Variants in PRKCQ observed in about 807,000 individuals in gnomAD.
PRKCQ encodes protein kinase C theta type.
A neutral mutation model predicts 91.2 loss-of-function variants in PRKCQ; 41 were observed. The ratio of observed to expected loss-of-function variants is 0.45; its 90% CI spans 0.35 to 0.58. The LOEUF (loss-of-function observed/expected upper bound fraction) is 0.58. Ranked by LOEUF, PRKCQ falls within the 20% of genes least tolerant of loss-of-function variation. The probability of loss-of-function intolerance (pLI) is 0.00; values close to 1 mark genes in which losing one functional copy is unlikely to be tolerated. For synonymous variants in PRKCQ, 307 were observed against 316.9 expected (o/e 0.97, Z 0.33); for missense variants, 673 against 896.5 (o/e 0.75, Z 3.18).
Position 6,430,930 on chromosome 10 carries a change from C to A in PRKCQ, c.1845G>T (p.Val615=), listed in dbSNP as rs1833386011. The change falls in exon 17 of 18, where the codon GTG becomes GTT. Residue 615 remains valine (V), a synonymous_variant. Coordinates refer to ENST00000263125, the MANE Select transcript of PRKCQ (RefSeq NM_006257.5). The surrounding 1 kb of genome is among the most constrained non-coding windows in gnomAD (Gnocchi z 4.7). ...EAKDLLVKLF[V]REPEKRLGVR... ...CGCCCAGCCTCTTCTCAGGTTCTCG[C>A]ACGAAGAGCTGAAAGGGAGCAGAGC... 6.2e-7 allele frequency: 1 copy of A among 1,613,952 alleles called. No homozygotes were observed. Among genetic ancestry groups the A allele is most frequent in the Non-Finnish European group, 8.5e-7 (1 of 1,179,898 alleles).
chr10:6,510,373 T>C (rs935688322), intron 3 of PRKCQ, among the ~76,000 whole-genome samples: 2 of 152,160 alleles, frequency 1.3e-5, no homozygotes, highest in African/African-American at 4.8e-5. Flanking sequence ...GCTAAGTTCA[T>C]TACAGCTGAA....
At chr10:6,559,250 T>C (rs992059705) in intron 1 of PRKCQ, among the ~76,000 whole-genome samples, 2 of 152,116 alleles carry the variant, frequency 1.3e-5, no homozygotes, top group African/African-American at 4.8e-5. Flanking sequence ...AACTTCTGGG[T>C]AATAAAAGAG....
At chr10:6,478,586 C>A (rs1025336589) in intron 12 of PRKCQ, among the ~76,000 whole-genome samples, 2 of 152,138 alleles carry the variant, frequency 1.3e-5, no homozygotes, top group African/African-American at 4.8e-5. Context: ...CTTTTTCTGC[C>A]AGCCTTGAAG....
chr10:6,479,767 T>TAAAAA (rs34610362), intron 11 of PRKCQ, among the ~76,000 whole-genome samples: 5 of 38,994 alleles, frequency 1.3e-4, no homozygotes, highest in Non-Finnish European at 1.7e-4. Context: ...CCGTCTCGAC[T>TAAAAA]AAAAAAAAAA....
chr10:6,539,809 C>T (rs1430285230), intron 1 of PRKCQ, among the ~76,000 whole-genome samples: 1 of 152,150 alleles, frequency 6.6e-6, no homozygotes, highest in Non-Finnish European at 1.5e-5. Context: ...AAATGTCTTT[C>T]TTGAGTATAC....
chr10:6,548,898 A>G (rs1840077910), intron 1 of PRKCQ, among the ~76,000 whole-genome samples: 1 of 152,306 alleles, frequency 6.6e-6, no homozygotes, highest in African/African-American at 2.4e-5. Context: ...TAAAATAAAA[A>G]AAGAAGATGT....
chr10:6,451,214 T>A (rs4561111), intron 15 of PRKCQ, among the ~76,000 whole-genome samples: 60,782 of 143,748 alleles, frequency 0.42, 14,929 homozygotes, highest in East Asian at 0.82. Context: ...AGAAGAATCA[T>A]ATAAACACAA....
intron 4 of PRKCQ, 151 bp downstream of exon 4, chr10:6,507,285 G>T: frequency 1.4e-6 from 1 of 712,782 alleles, no homozygotes. Flanking sequence ...TTAAAGTCAT[G>T]CCTGAGCACC....
At chr10:6,501,931 C>A (rs1319151214) in intron 4 of PRKCQ, among the ~76,000 whole-genome samples, 1 of 152,076 alleles carries the variant, frequency 6.6e-6, no homozygotes, top group Admixed American at 6.5e-5. Context: ...ATTGAGGCAT[C>A]CCCAGAAACC....
intron 12 of PRKCQ, among the ~76,000 whole-genome samples, chr10:6,472,376 T>C (rs886268315): frequency 3.3e-5 from 5 of 152,188 alleles, no homozygotes; most frequent in Admixed American, 6.5e-5. Context: ...ACTGAGTGAG[T>C]GTCTTGTTCT....
chr10:6,428,119 C>T lies in PRKCQ; in HGVS notation c.*88G>A. ...TATTGTTGAGTGTTTCTTTCTTTTT[C>T]CAAGTTGAAAAAGGAACCCAAGCAG... On this transcript the variant is annotated 3_prime_UTR_variant, in exon 18 of 18. Coordinates refer to ENST00000263125, the MANE Select transcript of PRKCQ (RefSeq NM_006257.5). 6.6e-7 allele frequency: 1 copy of T among 1,526,680 alleles called. No individual in the cohort carries two copies. 94.6% of individuals were successfully genotyped at this position (1,526,680 alleles called of 1,614,324 possible).
At chr10:6,443,909 A>G (rs593608) in intron 15 of PRKCQ, among the ~76,000 whole-genome samples, 4,451 of 152,240 alleles carry the variant, frequency 0.029, 117 homozygotes, top group African/African-American at 0.068. Flanking sequence ...TTCTGCACCA[A>G]CCTAATAGTT....
chr10:6,420,347 C>T, the PRKCQ span, among the ~76,000 whole-genome samples: 8 of 152,202 alleles, frequency 5.3e-5, no homozygotes, highest in Admixed American at 3.9e-4. Context: ...ACTCCCTTGC[C>T]GTCTGACTGG....
intron 1 of PRKCQ, among the ~76,000 whole-genome samples, chr10:6,520,815 C>A (rs1672767149): frequency 6.6e-6 from 1 of 152,146 alleles, no homozygotes; most frequent in South Asian, 2.1e-4. Flanking sequence ...CAGCTCTCAG[C>A]CCTCTAATGT....
rs752302971 is a variant in PRKCQ, at chr10:6,502,622, G to A, written c.380-4064C>T. Among the ~76,000 whole-genome samples, 58 of 152,300 alleles carry A rather than the reference G, an allele frequency of 3.8e-4. 1 individual carries two copies. The highest frequency in any genetic ancestry group is 6.9e-4 in the Non-Finnish European group (47 of 68,022). ...TATGGTCAGATTTGAGCTTGGCATC[G>A]TTACTTCTAGGACCACCATAGGAGA... On this transcript the variant is annotated intron_variant, in intron 4 of 17. Coordinates refer to ENST00000263125, the MANE Select transcript of PRKCQ (RefSeq NM_006257.5).
intron 1 of PRKCQ, among the ~76,000 whole-genome samples, chr10:6,568,806 CT>C (rs968410652): frequency 2.6e-5 from 4 of 151,908 alleles, no homozygotes; most frequent in Non-Finnish European, 4.4e-5. Context: ...CCAGTTTAAT[CT>C]TTTTTTTAAT....
intron 7 of PRKCQ, among the ~76,000 whole-genome samples, chr10:6,495,075 A>T (rs11259211): frequency 0.1 from 15,254 of 152,016 alleles, 1,070 homozygotes; most frequent in Admixed American, 0.18. Context: ...CTAACATCAA[A>T]ATCACCTGAG....
chr10:6,397,243 T>C, the PRKCQ span, among the ~76,000 whole-genome samples: 9 of 152,160 alleles, frequency 5.9e-5, no homozygotes, highest in African/African-American at 2.2e-4. Flanking sequence ...ATTACAGGCA[T>C]GCGCCAACTT....
chr10:6,571,151 G>A (rs185923231), intron 1 of PRKCQ, among the ~76,000 whole-genome samples: 5 of 152,100 alleles, frequency 3.3e-5, no homozygotes, highest in African/African-American at 1.2e-4. Context: ...ACGGCATCCT[G>A]AATTTGCAGA....
Sources: allele counts gnomAD v4.1 joint callset (sites outside exome capture counted in the v4.1 genomes callset), GRCh38; gene constraint gnomAD v4.1.1; non-coding constraint Gnocchi (gnomAD v3.1); transcripts MANE v1.5; gene names NCBI Gene and HGNC (gene_info 2026-07-23, HGNC 2026-07-21).